The following PAFAH1B1 variants were observed in gnomAD, a reference collection of about 807,000 sequenced individuals.
PAFAH1B1 encodes the protein platelet activating factor acetylhydrolase 1b regulatory subunit 1, also known as platelet-activating factor acetylhydrolase IB subunit beta.
A neutral mutation model predicts 57.5 loss-of-function variants in PAFAH1B1; 2 were observed. That is an observed-to-expected ratio of 0.03 (90% CI 0.01 to 0.11). The LOEUF (loss-of-function observed/expected upper bound fraction) is 0.11, where lower values mean the gene tolerates loss of function less well. Ranked by LOEUF, PAFAH1B1 falls within the 10% of genes least tolerant of loss-of-function variation. PAFAH1B1 has a pLI of 1.00. For synonymous variants in PAFAH1B1, 152 were observed against 169.6 expected, an observed-to-expected ratio of 0.90 and a Z score of 0.81; for missense variants, 257 against 512.0, an observed-to-expected ratio of 0.50 and a Z score of 4.81.
chr17:2,596,857 G>A (rs112011076), intron 1 of PAFAH1B1, among the ~76,000 whole-genome samples: 10 of 152,148 alleles, frequency 6.6e-5, no homozygotes, highest in East Asian at 1.9e-4. Flanking sequence ...TCAGGAGTTC[G>A]AGACCAGACT....
chr17:2,653,909 C>T (rs2068900830), intron 2 of PAFAH1B1, among the ~76,000 whole-genome samples: 1 of 151,992 alleles, frequency 6.6e-6, no homozygotes, highest in South Asian at 2.1e-4. Context: ...CCTGGGTTCA[C>T]GTGATTCTCC....
chr17:2,620,678 A>G (rs766778708), intron 1 of PAFAH1B1, among the ~76,000 whole-genome samples: 9 of 152,162 alleles, frequency 5.9e-5, no homozygotes, highest in Non-Finnish European at 1.2e-4. Flanking sequence ...CCTGGCCAAC[A>G]TGGTAAAACC....
At chr17:2,650,170 T>C (rs2068829324) in intron 2 of PAFAH1B1, among the ~76,000 whole-genome samples, 1 of 152,170 alleles carries the variant, frequency 6.6e-6, no homozygotes, top group South Asian at 2.1e-4. Flanking sequence ...GAGATCGGCC[T>C]GGGCAACGTA....
chr17:2,620,045 C>T (rs1169414655), intron 1 of PAFAH1B1, among the ~76,000 whole-genome samples: 3 of 152,172 alleles, frequency 2.0e-5, no homozygotes, highest in Non-Finnish European at 4.4e-5. Flanking sequence ...CTGGCCCTGG[C>T]CTCTTTGTAA....
At chr17:2,599,772 C>CATTTTG (rs2068119056) in intron 1 of PAFAH1B1, among the ~76,000 whole-genome samples, 1 of 152,070 alleles carries the variant, frequency 6.6e-6, no homozygotes, top group Admixed American at 6.6e-5. Context: ...ATTACCTATA[C>CATTTTG]ATTTTGATTA....
At chr17:2,617,951 T>G (rs1412447096) in intron 1 of PAFAH1B1, among the ~76,000 whole-genome samples, 2 of 144,830 alleles carry the variant, frequency 1.4e-5, no homozygotes, top group Non-Finnish European at 3.0e-5. Context: ...GGTATTGGAT[T>G]AAAAACTTGC....
intron 2 of PAFAH1B1, among the ~76,000 whole-genome samples, chr17:2,644,213 A>G (rs1171446358): frequency 2.0e-5 from 3 of 149,616 alleles, no homozygotes; most frequent in Non-Finnish European, 3.0e-5. Context: ...CTTTTTCCAT[A>G]TAAGCTCATA....
At chr17:2,593,447 G>C (rs1169313513), upstream of PAFAH1B1, 1 of 152,774 alleles carries the variant, frequency 6.5e-6, no homozygotes, top group Non-Finnish European at 1.5e-5. Context: ...CTCGCACGCA[G>C]ACTCGCCCGC....
In PAFAH1B1 at chr17:2,593,868, G is replaced by A. The variant is rs1597502531; in HGVS notation, c.-329G>A. The A allele has an allele frequency of 7.9e-6, 2 of 253,174 alleles. No homozygotes were observed. Among genetic ancestry groups the A allele is most frequent in the East Asian group, 6.2e-5 (1 of 16,142 alleles). 15.7% of individuals were successfully genotyped at this position (253,174 alleles called of 1,614,324 possible). On this transcript the variant is annotated 5_prime_UTR_variant, in exon 1 of 11. Transcript: ENST00000397195. ...GCTCCCCTCCCCTCCCCCTCCCCGG[G>A]CCCGGGCCCAGCGCGCCATCCTCCC...
rs1211381814 is a variant in PAFAH1B1, at chr17:2,679,544, G to A, written c.1003-620G>A. ...TGGATGATTGGATGGATGGATGGAT[G>A]GATGGATGATTAGATGGATGATTAG... On this transcript the variant is annotated intron_variant, in intron 9 of 10. Transcript: ENST00000397195. 586 of 95,846 alleles carry A rather than the reference G, an allele frequency of 6.1e-3. 3 individuals carry two copies. The highest frequency in any genetic ancestry group is 0.02 in the African/African-American group (540 of 26,708). The allele number at this position is 95,846 out of a possible 1,614,324, so 5.9% of individuals were successfully genotyped here.
At chr17:2,630,460 G>GT (rs555595098) in intron 1 of PAFAH1B1, among the ~76,000 whole-genome samples, 48 of 152,294 alleles carry the variant, frequency 3.2e-4, no homozygotes, top group African/African-American at 1.1e-3. Context: ...AGCTTGTAGG[G>GT]TTTTTGCTGA....
At chr17:2,668,955 G>C (rs777523199) in intron 5 of PAFAH1B1, among the ~76,000 whole-genome samples, 1 of 151,948 alleles carries the variant, frequency 6.6e-6, no homozygotes, top group Non-Finnish European at 1.5e-5. Flanking sequence ...CAGCCTGGGC[G>C]ACAAGAGTGA....
intron 1 of PAFAH1B1, among the ~76,000 whole-genome samples, chr17:2,618,302 A>G (rs1016837784): frequency 6.6e-6 from 1 of 152,206 alleles, no homozygotes; most frequent in Non-Finnish European, 1.5e-5. Flanking sequence ...GGAAAAGTCT[A>G]AATTCTCTCA....
Position 2,655,183 on chromosome 17 carries a change from ATGTGTGTGTG to A in PAFAH1B1, c.33-10165_33-10156del, listed in dbSNP as rs34493806. Among the ~76,000 whole-genome samples, 973 of 143,920 alleles carry A rather than the reference ATGTGTGTGTG, an allele frequency of 6.8e-3. 7 individuals are homozygous for A. Among genetic ancestry groups the A allele is most frequent in the African/African-American group, 0.023 (889 of 38,828 alleles). 94.4% of individuals were successfully genotyped at this position (143,920 alleles called of 152,430 possible). A position where few individuals can be genotyped will look rare whatever the true frequency, so the allele number is the denominator to read the frequency against. Reference sequence around the variant, plus strand: ...ATTTAAAAAATATATATATACATATATGTGTGTGTGTGTGTGTGTGTGTGTGTGTGTGTTT... The same window carrying A: ...ATTTAAAAAATATATATATACATATATGTGTGTGTGTGTGTGTGTGTGTTT... On this transcript the variant is annotated intron_variant, in intron 2 of 10. Transcript: ENST00000397195.
chr17:2,656,954 C>T (rs2068944053), intron 2 of PAFAH1B1, among the ~76,000 whole-genome samples: 1 of 152,106 alleles, frequency 6.6e-6, no homozygotes, highest in Admixed American at 6.5e-5. Context: ...CAGAGTCTCG[C>T]TCTGTAGCCC....
intron 3 of PAFAH1B1, 42 bp downstream of exon 3, chr17:2,665,498 G>A: frequency 8.9e-7 from 1 of 1,118,426 alleles, no homozygotes; most frequent in Non-Finnish European, 1.4e-6. Context: ...GTTAATGAGT[G>A]GATTTTCACT....
Position 2,593,908 on chromosome 17 carries a change from C to T in PAFAH1B1, c.-289C>T, listed in dbSNP as rs1449749912. On this transcript the variant is annotated 5_prime_UTR_variant, in exon 1 of 11. Coordinates refer to ENST00000397195, the MANE Select transcript of PAFAH1B1 (RefSeq NM_000430.4). ...GCCATCCTCCCCCCTCCTTCCCTCC[C>T]TCCCTCCTTCCTCCCTCCCCTCTCC... 1 of 379,406 alleles carries T rather than the reference C, an allele frequency of 2.6e-6. No individual in the cohort carries two copies. The highest frequency in any genetic ancestry group is 4.7e-6 in the Non-Finnish European group (1 of 214,492). 23.5% of individuals were successfully genotyped at this position (379,406 alleles called of 1,614,324 possible).
intron 2 of PAFAH1B1, among the ~76,000 whole-genome samples, chr17:2,657,477 C>T (rs1321958490): frequency 1.3e-5 from 2 of 152,232 alleles, no homozygotes; most frequent in African/African-American, 4.8e-5. Context: ...CTCCTGACCT[C>T]AAGTGATCCA....
In PAFAH1B1 at chr17:2,683,122, G is replaced by A. The variant is rs540611470; in HGVS notation, c.*1320G>A. ...TCTGGGGATTTTTTTCCAGCCGAAGGAAAATCACTTCCGTTATGTCCCCCT... is the reference window on the plus strand; with the variant it reads ...TCTGGGGATTTTTTTCCAGCCGAAGAAAAATCACTTCCGTTATGTCCCCCT... On this transcript the variant is annotated 3_prime_UTR_variant, in exon 11 of 11. Coordinates refer to ENST00000397195, the MANE Select transcript of PAFAH1B1 (RefSeq NM_000430.4). The A allele has an allele frequency of 1.3e-5, 2 of 152,260 alleles. No homozygotes were observed. Among genetic ancestry groups the A allele is most frequent in the East Asian group, 3.9e-4 (2 of 5,184 alleles). 9.4% of individuals were successfully genotyped at this position (152,260 alleles called of 1,614,324 possible).
Sources: allele counts gnomAD v4.1 joint callset (sites outside exome capture counted in the v4.1 genomes callset), GRCh38; gene constraint gnomAD v4.1.1; transcripts MANE v1.5; gene names NCBI Gene and HGNC (gene_info 2026-07-23, HGNC 2026-07-21).